Variants in RNF38 observed in about 807,000 individuals in gnomAD.
RNF38 encodes the protein E3 ubiquitin-protein ligase RNF38.
In RNF38, 15 loss-of-function variants were observed where a neutral mutation model predicts 67.2. The ratio of observed to expected loss-of-function variants is 0.22; its 90% CI spans 0.15 to 0.34. The LOEUF (loss-of-function observed/expected upper bound fraction) is 0.34, where lower values mean the gene tolerates loss of function less well. Ranked by LOEUF, RNF38 falls within the 10% of genes least tolerant of loss-of-function variation. The probability of loss-of-function intolerance (pLI) is 1.00; values close to 1 mark genes in which losing one functional copy is unlikely to be tolerated. For missense variants in RNF38, 524 were observed against 639.9 expected, an observed-to-expected ratio of 0.82 and a Z score of 1.95; for synonymous variants, 220 against 218.8, an observed-to-expected ratio of 1.01 and a Z score of -0.05.
chr9:36,462,136 T>TGCA (rs1839747059), intron 1 of RNF38, among the ~76,000 whole-genome samples: 1 of 152,188 alleles, frequency 6.6e-6, no homozygotes, highest in African/African-American at 2.4e-5. Flanking sequence ...TGCAGTAAGA[T>TGCA]GTGGTCTGAA....
chr9:36,341,332 T>C (rs563260838), intron 11 of RNF38, among the ~76,000 whole-genome samples: 31 of 152,234 alleles, frequency 2.0e-4, no homozygotes, highest in Non-Finnish European at 3.7e-4. Flanking sequence ...TGGGCTAAAC[T>C]AGATCTCTGG....
At chr9:36,426,226 AG>A in intron 1 of RNF38, among the ~76,000 whole-genome samples, 1 of 152,174 alleles carries the variant, frequency 6.6e-6, no homozygotes, top group Admixed American at 6.5e-5. Flanking sequence ...TATTATTTAA[AG>A]TATACAATTC....
intron 1 of RNF38, among the ~76,000 whole-genome samples, chr9:36,446,494 A>G (rs1839303508): frequency 6.6e-6 from 1 of 152,334 alleles, no homozygotes. Flanking sequence ...ATTAAATCTG[A>G]AAACACTTTA....
intron 1 of RNF38, among the ~76,000 whole-genome samples, chr9:36,451,149 C>T (rs114235037): frequency 0.022 from 3,339 of 152,006 alleles, 105 homozygotes; most frequent in African/African-American, 0.071. Context: ...AACAAACAAG[C>T]GGCTTTCTTC....
intron 1 of RNF38, among the ~76,000 whole-genome samples, chr9:36,431,106 A>C (rs1190463297): frequency 6.6e-6 from 1 of 152,176 alleles, no homozygotes; most frequent in East Asian, 1.9e-4. Context: ...GTTTGGCTAC[A>C]AATCAGAGGT....
At chr9:36,368,695 G>A (rs1234629936) in intron 4 of RNF38, among the ~76,000 whole-genome samples, 4 of 152,116 alleles carry the variant, frequency 2.6e-5, no homozygotes, top group South Asian at 2.1e-4. Context: ...GGCATAAGAA[G>A]AGTATCTAGG....
At chr9:36,483,216 T>A (rs571515641) in intron 1 of RNF38, among the ~76,000 whole-genome samples, 12 of 152,080 alleles carry the variant, frequency 7.9e-5, no homozygotes, top group Middle Eastern at 3.4e-3. Context: ...TGAAACCCCG[T>A]CTCTACTAAA....
At position 36,442,113 on chromosome 9, in the gene RNF38, A is replaced by T. The variant is rs185825893; in HGVS notation, n.242-17430T>A. On this transcript the variant is annotated intron_variant and non_coding_transcript_variant, in intron 1 of 3. Transcript: ENST00000488058. Reference sequence around the variant, plus strand: ...TCAAATCTGTCCATCAGGCATTCCAATCTTCCTAATCTCATCACTACCAAC... The same window carrying T: ...TCAAATCTGTCCATCAGGCATTCCATTCTTCCTAATCTCATCACTACCAAC... Among the ~76,000 whole-genome samples the T allele has an allele frequency of 4.5e-3, 686 of 152,176 alleles. 5 individuals are homozygous for T. Among genetic ancestry groups the T allele is most frequent in the Middle Eastern group, 0.02 (6 of 294 alleles).
At chr9:36,479,476 AGCAGG>A (rs1188403458) in intron 1 of RNF38, among the ~76,000 whole-genome samples, 1 of 152,208 alleles carries the variant, frequency 6.6e-6, no homozygotes, top group African/African-American at 2.4e-5. Context: ...GGTGGAGAGA[AGCAGG>A]GCTTATCTTG....
At chr9:36,365,354 G>A (rs1006736396) in intron 4 of RNF38, among the ~76,000 whole-genome samples, 1 of 151,946 alleles carries the variant, frequency 6.6e-6, no homozygotes, top group Admixed American at 6.6e-5. Context: ...AACACCCTTG[G>A]CCAGGAGTTT....
intron 1 of RNF38, among the ~76,000 whole-genome samples, chr9:36,480,764 C>G (rs1840237756): frequency 6.6e-6 from 1 of 151,654 alleles, no homozygotes; most frequent in African/African-American, 2.4e-5. Context: ...GTTGCCCAGG[C>G]TGGTCTCAAA....
At chr9:36,364,336 T>C (rs1834787039) in intron 4 of RNF38, among the ~76,000 whole-genome samples, 1 of 152,168 alleles carries the variant, frequency 6.6e-6, no homozygotes, top group South Asian at 2.1e-4. Flanking sequence ...ATATACTAAA[T>C]ATGTATTAAC....
intron 3 of RNF38, among the ~76,000 whole-genome samples, chr9:36,371,184 C>T (rs939712353): frequency 1.3e-5 from 2 of 152,096 alleles, no homozygotes; most frequent in African/African-American, 4.8e-5. Context: ...TTTATGGTCA[C>T]TTTTTCCTTA....
intron 1 of RNF38, among the ~76,000 whole-genome samples, chr9:36,481,346 A>T (rs894269503): frequency 1.3e-5 from 2 of 152,112 alleles, no homozygotes; most frequent in Admixed American, 6.6e-5. Context: ...ACTATTGATA[A>T]ACCCCAATAT....
chr9:36,414,761 C>G (rs989054954), intron 2 of RNF38, among the ~76,000 whole-genome samples: 2 of 150,324 alleles, frequency 1.3e-5, no homozygotes, highest in Non-Finnish European at 3.0e-5. Flanking sequence ...GTGTCGAATT[C>G]TCTCAGCATT....
intron 2 of RNF38, among the ~76,000 whole-genome samples, chr9:36,413,587 G>A (rs1351947759): frequency 6.6e-6 from 1 of 152,196 alleles, no homozygotes; most frequent in Admixed American, 6.5e-5. Context: ...AAGAAATAAT[G>A]AGAAGCATGG....
At chr9:36,457,461 A>AT (rs1839620279) in intron 1 of RNF38, among the ~76,000 whole-genome samples, 1 of 152,216 alleles carries the variant, frequency 6.6e-6, no homozygotes, top group Non-Finnish European at 1.5e-5. Flanking sequence ...ACACCATTAG[A>AT]TTCTGAAAGT....
chr9:36,356,280 G>T (rs1564004715), intron 6 of RNF38, 23 bp downstream of exon 6: 1 of 1,611,276 alleles, frequency 6.2e-7, no homozygotes, highest in South Asian at 1.1e-5. Context: ...TAAACATTCT[G>T]ACATAATAGT....
intron 4 of RNF38, among the ~76,000 whole-genome samples, chr9:36,364,432 C>T (rs1684172314): frequency 1.3e-5 from 2 of 151,936 alleles, no homozygotes; most frequent in Admixed American, 1.3e-4. Flanking sequence ...GGGTTGGTAC[C>T]TCTAACCCCT....
Sources: gnomAD v4.1 joint callset for allele counts (sites outside exome capture counted in the v4.1 genomes callset) on GRCh38, gnomAD v4.1.1 for gene constraint, MANE v1.5 for transcripts, NCBI Gene and HGNC (gene_info 2026-07-23, HGNC 2026-07-21) for gene names.